Variants in SGCD observed in about 807,000 individuals in gnomAD.
SGCD encodes the protein sarcoglycan delta.
A neutral mutation model predicts 36.6 loss-of-function variants in SGCD; 18 were observed. The ratio of observed to expected loss-of-function variants is 0.49; its 90% confidence interval spans 0.34 to 0.73. The LOEUF (loss-of-function observed/expected upper bound fraction) is 0.73, where lower values mean the gene tolerates loss of function less well. SGCD is among the 30% of genes least tolerant of loss of function. The pLI, the probability that SGCD is intolerant of heterozygous loss-of-function variation, is 0.01. For missense variants in SGCD, 387 were observed against 346.7 expected (o/e 1.12, Z -0.92); for synonymous variants, 133 against 130.6 (o/e 1.02, Z -0.12).
At chr5:155,997,351 G>A (rs1198492124) in intron 1 of SGCD, among the ~76,000 whole-genome samples, 1 of 152,180 alleles carries the variant, frequency 6.6e-6, no homozygotes, top group Non-Finnish European at 1.5e-5. Context: ...CCAGGCTATT[G>A]ATCTAACAAA....
chr5:155,808,680 G>A, the SGCD span, among the ~76,000 whole-genome samples: 1 of 152,170 alleles, frequency 6.6e-6, no homozygotes, highest in South Asian at 2.1e-4. Flanking sequence ...GGATTATCTA[G>A]CCAATGGATT....
chr5:155,901,037 T>C (rs1458347520), intron 1 of SGCD, among the ~76,000 whole-genome samples: 1 of 152,020 alleles, frequency 6.6e-6, no homozygotes, highest in Non-Finnish European at 1.5e-5. Flanking sequence ...AATAGGCCAG[T>C]CGTGGTGGCT....
chr5:156,638,500 A>G (rs1423434095), intron 6 of SGCD, among the ~76,000 whole-genome samples: 1 of 152,160 alleles, frequency 6.6e-6, no homozygotes, highest in African/African-American at 2.4e-5. Flanking sequence ...GATGATGTCA[A>G]GCAGCCTTCT....
intron 1 of SGCD, among the ~76,000 whole-genome samples, chr5:155,992,671 T>G (rs1758457129): frequency 6.6e-6 from 1 of 152,106 alleles, no homozygotes; most frequent in Non-Finnish European, 1.5e-5. Flanking sequence ...TATCAAAAAT[T>G]TACTGGCATA....
the SGCD span, among the ~76,000 whole-genome samples, chr5:155,849,508 T>C: frequency 4.6e-5 from 7 of 151,890 alleles, no homozygotes; most frequent in Admixed American, 6.6e-5. Flanking sequence ...TTTGCAAAAA[T>C]ACATTTCCCC....
At chr5:155,729,977 G>T in the SGCD span, among the ~76,000 whole-genome samples, 1 of 152,112 alleles carries the variant, frequency 6.6e-6, no homozygotes. Context: ...TCATAGTTTC[G>T]CTCCTCTGTA....
intron 7 of SGCD, among the ~76,000 whole-genome samples, chr5:156,756,489 A>G (rs1757339404): frequency 6.6e-6 from 1 of 152,230 alleles, no homozygotes; most frequent in Non-Finnish European, 1.5e-5. Flanking sequence ...GCAGTGAGCT[A>G]TAATTGTGCC....
chr5:156,626,277 G>A (rs1342956983), intron 6 of SGCD, among the ~76,000 whole-genome samples: 1 of 152,188 alleles, frequency 6.6e-6, no homozygotes, highest in Admixed American at 6.5e-5. Context: ...AAATTTGTAT[G>A]TCCTCCTTTC....
chr5:156,107,546 T>G (rs1172082504), intron 1 of SGCD, among the ~76,000 whole-genome samples: 1 of 152,192 alleles, frequency 6.6e-6, no homozygotes, highest in African/African-American at 2.4e-5. Context: ...TATTTAGTCA[T>G]ATTAACTTAA....
At chr5:156,404,018 A>G (rs1221676187) in intron 3 of SGCD, among the ~76,000 whole-genome samples, 1 of 151,970 alleles carries the variant, frequency 6.6e-6, no homozygotes, top group Non-Finnish European at 1.5e-5. Context: ...TATTTTTAGT[A>G]GAGACAAGGT....
In SGCD at chr5:156,180,744, A is replaced by G. The variant is rs536438074; in HGVS notation, c.-44+56725A>G. Among the ~76,000 whole-genome samples, 7 of 152,294 alleles carry G rather than the reference A, an allele frequency of 4.6e-5. No individual in the cohort carries two copies. In the South Asian group the frequency reaches 1.5e-3, roughly 32 times the overall value. On this transcript the variant is annotated intron_variant, in intron 3 of 9. Coordinates refer to the SGCD transcript ENST00000517913. ...GAGGGGCTGGATGATTGAGACTTAA[A>G]TACTCTCTTCATAGGGAAGAGATGT... is the stretch of plus-strand genomic sequence containing the variant.
intron 4 of SGCD, among the ~76,000 whole-genome samples, chr5:156,528,955 G>A (rs184112345): frequency 1.3e-5 from 2 of 152,132 alleles, no homozygotes; most frequent in African/African-American, 4.8e-5. Flanking sequence ...TGCTGAGACT[G>A]CTTCTTGCTT....
the SGCD span, among the ~76,000 whole-genome samples, chr5:155,851,999 C>A: frequency 2.6e-5 from 4 of 152,174 alleles, no homozygotes; most frequent in African/African-American, 7.2e-5. Flanking sequence ...TGGACAACTT[C>A]AGCTGCTAGC....
intron 3 of SGCD, among the ~76,000 whole-genome samples, chr5:156,467,860 A>G (rs1227337219): frequency 6.6e-6 from 1 of 152,204 alleles, no homozygotes; most frequent in East Asian, 1.9e-4. Flanking sequence ...TTTAGTTCAC[A>G]TCAACTTTGG....
At chr5:156,413,660 T>A (rs1772884705) in intron 3 of SGCD, among the ~76,000 whole-genome samples, 1 of 152,176 alleles carries the variant, frequency 6.6e-6, no homozygotes, top group South Asian at 2.1e-4. Flanking sequence ...ATTTTTATTT[T>A]TGGGTAGAGA....
At chr5:156,404,894 G>C (rs996346498) in intron 3 of SGCD, among the ~76,000 whole-genome samples, 1 of 152,162 alleles carries the variant, frequency 6.6e-6, no homozygotes, top group African/African-American at 2.4e-5. Context: ...TTTCCTTTCA[G>C]TGAGGGAGAA....
chr5:156,039,614 G>A (rs1289632280), intron 1 of SGCD, among the ~76,000 whole-genome samples: 3 of 152,120 alleles, frequency 2.0e-5, no homozygotes, highest in Admixed American at 2.0e-4. Flanking sequence ...AACATCAACT[G>A]AGCAGTTAAG....
At chr5:156,045,659 C>G (rs1759746253) in intron 1 of SGCD, among the ~76,000 whole-genome samples, 1 of 152,160 alleles carries the variant, frequency 6.6e-6, no homozygotes, top group Admixed American at 6.5e-5. Context: ...GGTGACAGTT[C>G]TCTGCCTGGC....
chr5:155,733,082 G>A, the SGCD span, among the ~76,000 whole-genome samples: 19 of 150,208 alleles, frequency 1.3e-4, no homozygotes, highest in African/African-American at 2.7e-4. Context: ...ATGCTCCTTC[G>A]GTGCATGAGT....
Sources: allele counts gnomAD v4.1 joint callset (sites outside exome capture counted in the v4.1 genomes callset), GRCh38; gene constraint gnomAD v4.1.1; transcripts MANE v1.5; gene names NCBI Gene and HGNC (gene_info 2026-07-23, HGNC 2026-07-21).